The following RALGAPA1 variants were observed in gnomAD, a reference collection of about 807,000 sequenced individuals.
The protein encoded by RALGAPA1 is Ral GTPase activating protein catalytic subunit alpha 1.
A neutral mutation model predicts 269.6 loss-of-function variants in RALGAPA1; 52 were observed. That is an observed-to-expected ratio of 0.19 (90% CI 0.15 to 0.24). RALGAPA1 has a LOEUF of 0.24. RALGAPA1 is among the 10% of genes least tolerant of loss of function. The probability of loss-of-function intolerance (pLI) is 1.00; values close to 1 mark genes in which losing one functional copy is unlikely to be tolerated. For missense variants in RALGAPA1, 1,917 were observed against 3,013.9 expected (o/e 0.64, Z 8.52); for synonymous variants, 817 against 1,008.3 (o/e 0.81, Z 3.60).
intron 37 of RALGAPA1, among the ~76,000 whole-genome samples, chr14:35,592,163 A>G (rs2058679859): frequency 6.6e-6 from 1 of 152,222 alleles, no homozygotes; most frequent in Admixed American, 6.5e-5. Context: ...ACTGTAACCA[A>G]TCAGAAATGA....
intron 26 of RALGAPA1, among the ~76,000 whole-genome samples, chr14:35,670,045 G>A (rs1008257735): frequency 6.6e-6 from 1 of 152,170 alleles, no homozygotes; most frequent in Non-Finnish European, 1.5e-5. Flanking sequence ...TATAAATACC[G>A]CTGCTGCTTT....
intron 37 of RALGAPA1, among the ~76,000 whole-genome samples, chr14:35,577,274 A>G (rs1326595988): frequency 6.6e-6 from 1 of 150,846 alleles, no homozygotes; most frequent in African/African-American, 2.4e-5. Flanking sequence ...CATCCCATCC[A>G]CCCCCCAAAT....
chr14:35,604,428 G>A (rs1361899398), intron 36 of RALGAPA1, among the ~76,000 whole-genome samples: 1 of 151,586 alleles, frequency 6.6e-6, no homozygotes, highest in African/African-American at 2.4e-5. Context: ...AATAAGCTAT[G>A]TATCCCAAGG....
chr14:35,673,740 C>T (rs2064705435), intron 24 of RALGAPA1, among the ~76,000 whole-genome samples: 1 of 151,968 alleles, frequency 6.6e-6, no homozygotes, highest in Non-Finnish European at 1.5e-5. Flanking sequence ...ACCACCATGC[C>T]CAGCTAATTT....
intron 4 of RALGAPA1, chr14:35,766,341 A>T: frequency 8.1e-7 from 1 of 1,238,938 alleles, no homozygotes; most frequent in Non-Finnish European, 1.2e-6. Context: ...CATGATTCCC[A>T]GTTTGACAAA....
At chr14:35,791,591 G>A (rs1208164466) in intron 1 of RALGAPA1, among the ~76,000 whole-genome samples, 1 of 150,918 alleles carries the variant, frequency 6.6e-6, no homozygotes, top group Non-Finnish European at 1.5e-5. Flanking sequence ...TGGGAGACAA[G>A]AGCGAAACTC....
intron 13 of RALGAPA1, among the ~76,000 whole-genome samples, chr14:35,727,071 G>T (rs1026011652): frequency 2.6e-5 from 4 of 151,746 alleles, no homozygotes; most frequent in Non-Finnish European, 5.9e-5. Context: ...TGTTAGTAAA[G>T]AATCTTTTCA....
intron 16 of RALGAPA1, among the ~76,000 whole-genome samples, chr14:35,719,005 AATTTTTTTGT>A (rs1258324028): frequency 6.6e-6 from 1 of 151,868 alleles, no homozygotes; most frequent in Non-Finnish European, 1.5e-5. Flanking sequence ...ACACCCAGCT[AATTTTTTTGT>A]ATTTTTTTGG....
chr14:35,598,658 G>T (rs918183226), intron 36 of RALGAPA1, among the ~76,000 whole-genome samples: 2 of 152,068 alleles, frequency 1.3e-5, no homozygotes, highest in Non-Finnish European at 2.9e-5. Flanking sequence ...GGCCTCAGGT[G>T]ATCTGCCCAC....
intron 3 of RALGAPA1, among the ~76,000 whole-genome samples, chr14:35,774,524 A>T (rs1438492283): frequency 1.3e-5 from 2 of 152,160 alleles, no homozygotes; most frequent in Non-Finnish European, 2.9e-5. Context: ...ATTTATAAAG[A>T]CTTGCCCCAT....
chr14:35,637,390 A>G (rs926687648), intron 31 of RALGAPA1, among the ~76,000 whole-genome samples: 2 of 152,174 alleles, frequency 1.3e-5, no homozygotes, highest in African/African-American at 4.8e-5. Flanking sequence ...AAAAAGAACC[A>G]AGTAGAAATT....
chr14:35,787,283 G>A (rs553202864), intron 1 of RALGAPA1, among the ~76,000 whole-genome samples: 4 of 152,298 alleles, frequency 2.6e-5, no homozygotes, highest in East Asian at 1.9e-4. Context: ...AAGCAAGAAC[G>A]GGTAATTATT....
chr14:35,769,026 AAAAAAAAAAATATATATAT>A (rs1467034028), intron 4 of RALGAPA1, among the ~76,000 whole-genome samples: 6 of 99,292 alleles, frequency 6.0e-5, no homozygotes, highest in African/African-American at 2.3e-4. Context: ...AAAAAAAAAA[AAAAAAAAAAATATATATAT>A]ATATATATAT....
At chr14:35,773,822 T>TC (rs1567202980) in intron 3 of RALGAPA1, among the ~76,000 whole-genome samples, 3 of 151,902 alleles carry the variant, frequency 2.0e-5, no homozygotes, top group African/African-American at 7.3e-5. Flanking sequence ...ATTCTTTTTT[T>TC]CCCCCCTTAA....
At chr14:35,781,811 G>A (rs2075454465) in intron 1 of RALGAPA1, among the ~76,000 whole-genome samples, 1 of 151,980 alleles carries the variant, frequency 6.6e-6, no homozygotes, top group South Asian at 2.1e-4. Flanking sequence ...AAAAAGCTAG[G>A]AAAAGAAAAG....
intron 16 of RALGAPA1, among the ~76,000 whole-genome samples, chr14:35,701,250 C>T (rs1021407173): frequency 2.6e-5 from 4 of 152,148 alleles, no homozygotes; most frequent in Admixed American, 6.5e-5. Flanking sequence ...TATTGTTACA[C>T]ATGAATCAAG....
intron 21 of RALGAPA1, among the ~76,000 whole-genome samples, chr14:35,679,895 G>C (rs2065265048): frequency 6.6e-6 from 1 of 151,958 alleles, no homozygotes; most frequent in South Asian, 2.1e-4. Context: ...ACCCTATCTA[G>C]GCTCAATTAT....
chr14:35,788,361 A>T (rs2075941562), intron 1 of RALGAPA1, among the ~76,000 whole-genome samples: 1 of 152,192 alleles, frequency 6.6e-6, no homozygotes. Context: ...TAAGGTTCCT[A>T]TGAAAAGTCA....
At chr14:35,580,995 A>G (rs1263513857) in intron 37 of RALGAPA1, among the ~76,000 whole-genome samples, 1 of 140,558 alleles carries the variant, frequency 7.1e-6, no homozygotes, top group African/African-American at 3.1e-5. Flanking sequence ...TACAAAGGAT[A>G]GGGGGGACAA....
Sources: allele counts gnomAD v4.1 joint callset (sites outside exome capture counted in the v4.1 genomes callset), GRCh38; gene constraint gnomAD v4.1.1; transcripts MANE v1.5; gene names NCBI Gene and HGNC (gene_info 2026-07-23, HGNC 2026-07-21).